DCC: variants seen among roughly 807,000 people sequenced by gnomAD.
The protein encoded by DCC is DCC netrin 1 receptor.
Under a neutral mutation model 172.5 loss-of-function variants are expected in DCC, and 58 were observed. That is an observed-to-expected ratio of 0.34 (90% CI 0.27 to 0.42). DCC has a LOEUF of 0.42. Ranked by LOEUF, DCC falls within the 10% of genes least tolerant of loss-of-function variation. The pLI is 1.00. For missense variants in DCC, 1,740 were observed against 1,791.0 expected (o/e 0.97, Z 0.51); for synonymous variants, 709 against 644.5 (o/e 1.10, Z -1.52).
At chr18:52,908,911 T>C (rs2145454266) in intron 3 of DCC, among the ~76,000 whole-genome samples, 1 of 152,280 alleles carries the variant, frequency 6.6e-6, no homozygotes, top group South Asian at 2.1e-4. Flanking sequence ...TGTGTACACA[T>C]GCATGCGCAC....
At chr18:52,804,669 C>T (rs371965695) in intron 2 of DCC, among the ~76,000 whole-genome samples, 1 of 152,112 alleles carries the variant, frequency 6.6e-6, no homozygotes, top group Admixed American at 6.5e-5. Context: ...CTGGTTCAAG[C>T]GATTCTCCTG....
At chr18:52,978,087 T>G (rs1042935322) in intron 5 of DCC, among the ~76,000 whole-genome samples, 2 of 151,992 alleles carry the variant, frequency 1.3e-5, no homozygotes, top group African/African-American at 2.4e-5. Context: ...GATACTGAAC[T>G]GTACAGCTAA....
intron 5 of DCC, among the ~76,000 whole-genome samples, chr18:52,926,972 T>C (rs1466006630): frequency 7.0e-5 from 10 of 142,588 alleles, no homozygotes; most frequent in Admixed American, 2.1e-4. Context: ...TGGATATATA[T>C]ACATATATAT....
At chr18:52,773,241 G>A (rs879463439) in intron 2 of DCC, among the ~76,000 whole-genome samples, 1 of 152,138 alleles carries the variant, frequency 6.6e-6, no homozygotes, top group Non-Finnish European at 1.5e-5. Flanking sequence ...ATCAAACTAT[G>A]ATTCTGGCCT....
intron 1 of DCC, among the ~76,000 whole-genome samples, chr18:52,448,604 T>G (rs1988202642): frequency 6.6e-6 from 1 of 151,978 alleles, no homozygotes; most frequent in Non-Finnish European, 1.5e-5. Context: ...GGTAGGTGGG[T>G]GGTGGTGGAA....
intron 7 of DCC, among the ~76,000 whole-genome samples, chr18:53,113,943 C>T (rs1403677275): frequency 6.6e-6 from 1 of 151,248 alleles, no homozygotes; most frequent in Admixed American, 6.6e-5. Flanking sequence ...CATATTTATT[C>T]TATTGCTCTA....
At chr18:53,151,143 T>C (rs2043990908) in intron 7 of DCC, among the ~76,000 whole-genome samples, 1 of 152,226 alleles carries the variant, frequency 6.6e-6, no homozygotes, top group Non-Finnish European at 1.5e-5. Context: ...GATGCATAAA[T>C]TCATTTTATC....
intron 5 of DCC, among the ~76,000 whole-genome samples, chr18:52,954,467 T>A (rs2145555423): frequency 6.6e-6 from 1 of 152,274 alleles, no homozygotes; most frequent in Admixed American, 6.5e-5. Context: ...AAAATTACAG[T>A]AGTAAGACAG....
intron 7 of DCC, among the ~76,000 whole-genome samples, chr18:53,092,279 G>T (rs1170226277): frequency 6.6e-6 from 1 of 152,054 alleles, no homozygotes; most frequent in Non-Finnish European, 1.5e-5. Context: ...AAGCAACTCA[G>T]GTGACTCTTA....
At chr18:53,453,751 T>G (rs1452418980) in intron 23 of DCC, among the ~76,000 whole-genome samples, 1 of 152,202 alleles carries the variant, frequency 6.6e-6, no homozygotes, top group Non-Finnish European at 1.5e-5. Flanking sequence ...ATGAAGACCC[T>G]TAATACTTGG....
At chr18:52,507,925 A>AC (rs2031292589) in intron 1 of DCC, among the ~76,000 whole-genome samples, 1 of 152,000 alleles carries the variant, frequency 6.6e-6, no homozygotes, top group African/African-American at 2.4e-5. Flanking sequence ...ATATGGTGAA[A>AC]CCCCGTCTCT....
chr18:53,088,593 C>CA (rs1273264336), intron 7 of DCC, among the ~76,000 whole-genome samples: 4 of 151,852 alleles, frequency 2.6e-5, no homozygotes, highest in East Asian at 1.9e-4. Context: ...AATAGAGACA[C>CA]AAAAAACCCT....
intron 7 of DCC, among the ~76,000 whole-genome samples, chr18:53,089,530 A>G (rs1302636710): frequency 1.3e-5 from 2 of 152,158 alleles, no homozygotes; most frequent in Admixed American, 6.5e-5. Flanking sequence ...CTGCTTTGGA[A>G]TAAAGATGAA....
chr18:52,417,871 T>G (rs1987098467), intron 1 of DCC, among the ~76,000 whole-genome samples: 1 of 152,234 alleles, frequency 6.6e-6, no homozygotes, highest in Non-Finnish European at 1.5e-5. Context: ...TTCTCTCAAC[T>G]CATCAAAGTC....
chr18:52,815,686 AATT>A (rs1386918850), intron 2 of DCC, among the ~76,000 whole-genome samples: 1 of 152,226 alleles, frequency 6.6e-6, no homozygotes, highest in Non-Finnish European at 1.5e-5. Flanking sequence ...AAAACAAAAT[AATT>A]ATGTTTTACC....
At chr18:53,389,865 T>G (rs1167806661) in intron 16 of DCC, among the ~76,000 whole-genome samples, 1 of 152,210 alleles carries the variant, frequency 6.6e-6, no homozygotes, top group Non-Finnish European at 1.5e-5. Context: ...CAAAACGTTA[T>G]GTATGGCACC....
intron 2 of DCC, among the ~76,000 whole-genome samples, chr18:52,888,905 A>T (rs1001520791): frequency 6.6e-6 from 1 of 152,098 alleles, no homozygotes; most frequent in Non-Finnish European, 1.5e-5. Context: ...CTTTACACAG[A>T]TATCTATATA....
chr18:53,208,105 G>GTTTT lies in DCC; in HGVS notation c.1861+303_1861+306dup, dbSNP rs141875005. 4.2e-4 allele frequency among the ~76,000 whole-genome samples: 54 copies of GTTTT among 127,140 alleles called. No individual in the cohort carries two copies. The South Asian group carries it at 4.6e-3, about 11-fold the overall frequency. 83.4% of individuals were successfully genotyped at this position (127,140 alleles called of 152,430 possible). A position where few individuals can be genotyped will look rare whatever the true frequency, so the allele number is the denominator to read the frequency against. On this transcript the variant is annotated intron_variant, in intron 11 of 28. Transcript: ENST00000442544. ...ATAGTGAGACCCTATCTCTGTAAAT[G>GTTTT]TTTTTTTTTTTTTTTTTTAATTAAC...
chr18:52,613,789 G>A (rs1568256298), intron 1 of DCC, among the ~76,000 whole-genome samples: 3 of 152,152 alleles, frequency 2.0e-5, no homozygotes, highest in East Asian at 1.9e-4. Flanking sequence ...TCCAGGTGGA[G>A]GAAATTCTGG....
Sources: allele counts gnomAD v4.1 joint callset (sites outside exome capture counted in the v4.1 genomes callset), GRCh38; gene constraint gnomAD v4.1.1; transcripts MANE v1.5; gene names NCBI Gene and HGNC (gene_info 2026-07-23, HGNC 2026-07-21).